KIF24: variants seen among roughly 807,000 people sequenced by gnomAD.
The protein encoded by KIF24 is kinesin-like protein KIF24.
KIF24 carries 81 observed loss-of-function variants against 118.9 expected under a neutral mutation model. The ratio of observed to expected loss-of-function variants is 0.68; its 90% CI spans 0.57 to 0.82. The LOEUF (loss-of-function observed/expected upper bound fraction) is 0.82, where lower values mean the gene tolerates loss of function less well. KIF24 is among the 40% of genes least tolerant of loss of function. The probability of loss-of-function intolerance (pLI) is 0.00; values close to 1 mark genes in which losing one functional copy is unlikely to be tolerated. For missense variants in KIF24, 1,560 were observed against 1,661.6 expected (o/e 0.94, Z 1.06); for synonymous variants, 599 against 610.0 (o/e 0.98, Z 0.27).
intron 1 of KIF24, among the ~76,000 whole-genome samples, chr9:34,312,758 G>T (rs1350580974): frequency 2.0e-5 from 3 of 152,154 alleles, no homozygotes; most frequent in Non-Finnish European, 4.4e-5. Context: ...GAGTGCAGTG[G>T]TGGTATCTTG....
At chr9:34,285,869 C>T (rs1350440764) in intron 6 of KIF24, among the ~76,000 whole-genome samples, 3 of 141,892 alleles carry the variant, frequency 2.1e-5, no homozygotes, top group East Asian at 2.1e-4. Context: ...TGGGAGGCTG[C>T]GGTGAGCTAT....
intron 7 of KIF24, among the ~76,000 whole-genome samples, chr9:34,270,468 A>G (rs1045643762): frequency 6.7e-6 from 1 of 149,494 alleles, no homozygotes; most frequent in Non-Finnish European, 1.5e-5. Flanking sequence ...GTGAGCCGAG[A>G]TTGTGCTACT....
chr9:34,328,168 A>G (rs1156926788), intron 1 of KIF24, among the ~76,000 whole-genome samples: 1 of 152,212 alleles, frequency 6.6e-6, no homozygotes, highest in Non-Finnish European at 1.5e-5. Flanking sequence ...TAGACACCTG[A>G]TGAATAGATG....
intron 12 of KIF24, 110 bp downstream of exon 12, chr9:34,254,962 G>T: frequency 1.4e-6 from 1 of 725,138 alleles, no homozygotes; most frequent in Non-Finnish European, 2.4e-6. Flanking sequence ...TGGTTAGTGT[G>T]TGCCAGGAGA....
In KIF24 at chr9:34,278,601, T is replaced by C. The variant is rs375102868; in HGVS notation, c.1216-6671A>G. Among the ~76,000 whole-genome samples, 179 of 147,008 alleles carry C rather than the reference T, an allele frequency of 1.2e-3. 5 individuals are homozygous for C. In the South Asian group the frequency reaches 0.037, roughly 31 times the overall value. On this transcript the variant is annotated intron_variant, in intron 6 of 12. Transcript: ENST00000402558. ...AAAAAAAAAAAAGGAAGGAAGCAGA[T>C]AAGAGAAAGAGAGAATCTATTTGGG...
chr9:34,263,840 G>A (rs780010567), intron 8 of KIF24, among the ~76,000 whole-genome samples: 27 of 151,160 alleles, frequency 1.8e-4, no homozygotes, highest in Non-Finnish European at 3.7e-4. Flanking sequence ...GCCTCCTGGA[G>A]TGCTGGGATT....
chr9:34,301,280 C>T (rs1836696939), intron 3 of KIF24, among the ~76,000 whole-genome samples: 1 of 152,106 alleles, frequency 6.6e-6, no homozygotes, highest in Non-Finnish European at 1.5e-5. Flanking sequence ...CACAGTCTCC[C>T]TTTGTCACCC....
In KIF24 at chr9:34,256,685, C is replaced by T; in HGVS notation, c.2922G>A (p.Glu974=). The T allele has an allele frequency of 6.2e-7, 1 of 1,613,990 alleles. No individual in the cohort carries two copies. Reference sequence around the variant, plus strand: ...CTTCCTCTGGGGATGGCAAGTTGCCCTCATTCTCCCCAGAAACCTCACTTT... The same window carrying T: ...CTTCCTCTGGGGATGGCAAGTTGCCTTCATTCTCCCCAGAAACCTCACTTT... ...ASQSEVSGEN[E]GNLPSPEEDG... The change falls in exon 11 of 13, where the codon GAG becomes GAA. Residue 974 remains glutamate, a synonymous_variant. Coordinates refer to ENST00000402558, the MANE Select transcript of KIF24 (RefSeq NM_194313.4).
At chr9:34,302,152 G>A (rs1836741444) in intron 3 of KIF24, among the ~76,000 whole-genome samples, 1 of 151,110 alleles carries the variant, frequency 6.6e-6, no homozygotes, top group Non-Finnish European at 1.5e-5. Flanking sequence ...CTGCCACCAT[G>A]CCTGACTAAT....
upstream of KIF24, among the ~76,000 whole-genome samples, chr9:34,333,093 C>A (rs1184139848): frequency 1.3e-5 from 2 of 152,104 alleles, no homozygotes; most frequent in African/African-American, 4.8e-5. Flanking sequence ...CACTAGTGCC[C>A]TAAGTTAAGT....
Position 34,255,799 on chromosome 9 carries a change from A to T in KIF24, c.3808T>A (p.Leu1270Met). The T allele has an allele frequency of 1.2e-6, 2 of 1,613,908 alleles. No individual in the cohort carries two copies. Among genetic ancestry groups the T allele is most frequent in the Non-Finnish European group, 1.7e-6 (2 of 1,179,846 alleles). ...SRCLARPSSP[L>M]VPSCSPKTAG... Reference sequence around the variant, plus strand: ...GTCTTGGGAGAGCAGCTGGGAACCAAGGGAGAACTTGGCCTTGCTAAGCAC... The same window carrying T: ...GTCTTGGGAGAGCAGCTGGGAACCATGGGAGAACTTGGCCTTGCTAAGCAC... The change falls in exon 11 of 13, where the codon TTG (leucine) becomes ATG (methionine). Residue 1270 changes from leucine to methionine, a missense_variant. By Grantham distance (15) the Leu-to-Met change is conservative. Around this residue, in one of 3 missense-constraint regions of KIF24, gnomAD observed 591 missense variants for 655.6 expected, o/e 0.90. Transcript: ENST00000402558.
chr9:34,269,581 G>C (rs532250634), intron 7 of KIF24, among the ~76,000 whole-genome samples: 1 of 151,814 alleles, frequency 6.6e-6, no homozygotes, highest in African/African-American at 2.4e-5. Flanking sequence ...CACCACGCCC[G>C]GCTAATTTTT....
rs1250579041 is a variant in KIF24 at position 34,271,794 on chromosome 9, A to G, written c.1337+15T>C. The G allele has an allele frequency of 3.7e-6, 6 of 1,612,308 alleles. No individual in the cohort carries two copies. The highest frequency in any genetic ancestry group is 1.3e-5 in the African/African-American group (1 of 74,988). ...GAAAGGCAGACAATGTAACTCCCTG[A>G]TATTTCCAGCTCACCTGCCAAATGT... On this transcript the variant is annotated intron_variant, in intron 7 of 12. Coordinates refer to ENST00000402558, the MANE Select transcript of KIF24 (RefSeq NM_194313.4).
rs34841457 is a variant in KIF24 at position 34,317,387 on chromosome 9, T to TA, written c.-25-6017dup. On this transcript the variant is annotated intron_variant, in intron 1 of 12. Coordinates refer to ENST00000402558, the MANE Select transcript of KIF24 (RefSeq NM_194313.4). ...CCTGGGCGACAGAAGGAGACTGTCT[T>TA]AAAAAAAAAAAAAAGTGCTTATTTA... Among the ~76,000 whole-genome samples, 882 of 144,822 alleles carry TA rather than the reference T, an allele frequency of 6.1e-3. 9 individuals are homozygous for TA. The highest frequency in any genetic ancestry group is 0.017 in the African/African-American group (682 of 39,120).
At chr9:34,266,695 AGAAAG>A (rs1835306920) in intron 8 of KIF24, among the ~76,000 whole-genome samples, 2 of 149,214 alleles carry the variant, frequency 1.3e-5, no homozygotes, top group Non-Finnish European at 3.0e-5. Context: ...AAAAAAAAAA[AGAAAG>A]AAAAAGAAAG....
chr9:34,311,681 T>C (rs77486520), intron 1 of KIF24, among the ~76,000 whole-genome samples: 19 of 115,464 alleles, frequency 1.6e-4, no homozygotes, highest in Non-Finnish European at 3.0e-4. Flanking sequence ...TGTATATGTA[T>C]ATATATACGT....
chr9:34,304,966 T>A (rs1339058242), intron 3 of KIF24, among the ~76,000 whole-genome samples: 1 of 152,138 alleles, frequency 6.6e-6, no homozygotes, highest in Non-Finnish European at 1.5e-5. Context: ...ATAAATATAA[T>A]ATGAATGTTT....
intron 1 of KIF24, among the ~76,000 whole-genome samples, chr9:34,322,243 G>T (rs1311325012): frequency 6.6e-6 from 1 of 152,032 alleles, no homozygotes; most frequent in Non-Finnish European, 1.5e-5. Context: ...TACACCCCAT[G>T]GTCCTGCCTG....
chr9:34,307,193 G>T (rs930059315), intron 2 of KIF24, among the ~76,000 whole-genome samples: 1 of 152,030 alleles, frequency 6.6e-6, no homozygotes, highest in Non-Finnish European at 1.5e-5. Flanking sequence ...AGCCTCCTAA[G>T]TAGCTAGGAC....
Sources: allele counts gnomAD v4.1 joint callset (sites outside exome capture counted in the v4.1 genomes callset), GRCh38; gene constraint gnomAD v4.1.1; regional missense constraint gnomAD v4.1.1; transcripts MANE v1.5; gene names NCBI Gene and HGNC (gene_info 2026-07-23, HGNC 2026-07-21).